Variants in IMMP2L observed in about 807,000 individuals in gnomAD.
IMMP2L encodes mitochondrial inner membrane protease subunit 2.
IMMP2L carries 18 observed loss-of-function variants against 19.3 expected under a neutral mutation model. The observed-to-expected ratio is 0.93, with a 90% CI of 0.64 to 1.38. The LOEUF is 1.38. IMMP2L is among the 40% of genes most tolerant of loss of function. The pLI is 0.00. For missense variants in IMMP2L, 233 were observed against 218.2 expected (o/e 1.07, Z -0.43); for synonymous variants, 76 against 73.0 (o/e 1.04, Z -0.21).
intron 4 of IMMP2L, among the ~76,000 whole-genome samples, chr7:110,895,389 T>C (rs1319034012): frequency 3.9e-5 from 6 of 152,160 alleles, no homozygotes; most frequent in Admixed American, 1.3e-4. Context: ...TTTTGTTCCA[T>C]TGATGTTTAT....
chr7:110,801,974 TATGAC>T (rs1218231792), intron 5 of IMMP2L, among the ~76,000 whole-genome samples: 1 of 152,050 alleles, frequency 6.6e-6, no homozygotes, highest in Non-Finnish European at 1.5e-5. Context: ...TCTCATTCCA[TATGAC>T]AGTGAAGATC....
rs568778675 is a variant in IMMP2L, at chr7:111,453,541, A to G, written c.239+33697T>C. Among the ~76,000 whole-genome samples, 10 of 152,312 alleles carry G rather than the reference A, an allele frequency of 6.6e-5. No individual in the cohort carries two copies. In the East Asian group the frequency reaches 1.9e-3, roughly 29 times the overall value. ...TGTTTCATATCGGTATCATTGGAGC[A>G]TTGTTTGATATCGGTAACTTGCTTT... On this transcript the variant is annotated intron_variant, in intron 3 of 5. Coordinates refer to ENST00000405709, the MANE Select transcript of IMMP2L (RefSeq NM_032549.4).
chr7:110,665,589 T>G (rs181452632), intron 5 of IMMP2L, among the ~76,000 whole-genome samples: 10 of 152,336 alleles, frequency 6.6e-5, no homozygotes, highest in Admixed American at 3.9e-4. Flanking sequence ...CGGTTTACAT[T>G]TAATTTCTTT....
At chr7:111,010,840 T>G (rs1223709953) in intron 3 of IMMP2L, among the ~76,000 whole-genome samples, 1 of 151,948 alleles carries the variant, frequency 6.6e-6, no homozygotes, top group Non-Finnish European at 1.5e-5. Flanking sequence ...AGAAAGGACA[T>G]TCATGGTCTC....
intron 3 of IMMP2L, among the ~76,000 whole-genome samples, chr7:111,127,035 T>C (rs1801382769): frequency 2.0e-5 from 3 of 152,200 alleles, no homozygotes; most frequent in African/African-American, 4.8e-5. Context: ...GGAAGGCAAT[T>C]GTTAAGAATT....
intron 3 of IMMP2L, among the ~76,000 whole-genome samples, chr7:111,071,129 T>A (rs1794913829): frequency 6.6e-6 from 1 of 152,142 alleles, no homozygotes; most frequent in South Asian, 2.1e-4. Context: ...ATTTTCAACA[T>A]AATTAGTCAT....
intron 3 of IMMP2L, among the ~76,000 whole-genome samples, chr7:111,249,754 G>C (rs984024426): frequency 3.9e-5 from 6 of 152,102 alleles, no homozygotes; most frequent in African/African-American, 1.4e-4. Flanking sequence ...TATTGAAAGA[G>C]CATACCTCAA....
At chr7:110,759,092 C>T (rs2130957357) in intron 5 of IMMP2L, among the ~76,000 whole-genome samples, 1 of 152,154 alleles carries the variant, frequency 6.6e-6, no homozygotes, top group African/African-American at 2.4e-5. Flanking sequence ...ATTCTACTTG[C>T]CATTATTTCC....
At chr7:110,672,504 A>AG (rs1453205868) in intron 5 of IMMP2L, among the ~76,000 whole-genome samples, 1 of 152,140 alleles carries the variant, frequency 6.6e-6, no homozygotes, top group Non-Finnish European at 1.5e-5. Context: ...CCAAAGTCTT[A>AG]ACTCATTCCA....
At chr7:110,756,913 CT>C (rs1448569101) in intron 5 of IMMP2L, among the ~76,000 whole-genome samples, 1 of 151,908 alleles carries the variant, frequency 6.6e-6, no homozygotes, top group Non-Finnish European at 1.5e-5. Context: ...TTCCTGTAGC[CT>C]TTCTTCTTCC....
chr7:111,358,989 G>A (rs1828996935), intron 3 of IMMP2L, among the ~76,000 whole-genome samples: 1 of 152,102 alleles, frequency 6.6e-6, no homozygotes, highest in Admixed American at 6.6e-5. Flanking sequence ...TGCACGCTAA[G>A]TTAGATAGCT....
At chr7:110,796,309 A>G (rs1421314220) in intron 5 of IMMP2L, among the ~76,000 whole-genome samples, 2 of 152,000 alleles carry the variant, frequency 1.3e-5, no homozygotes, top group Non-Finnish European at 2.9e-5. Context: ...CTGGATGCCA[A>G]GCTTCAGAGA....
intron 4 of IMMP2L, among the ~76,000 whole-genome samples, chr7:110,933,509 A>T (rs1486025991): frequency 8.0e-6 from 1 of 124,472 alleles, no homozygotes; most frequent in South Asian, 2.7e-4. Context: ...ATATTAAACA[A>T]GAGAAATTAT....
At chr7:111,058,895 T>C (rs1167648504) in intron 3 of IMMP2L, among the ~76,000 whole-genome samples, 1 of 152,214 alleles carries the variant, frequency 6.6e-6, no homozygotes, top group Non-Finnish European at 1.5e-5. Context: ...AAAAAATTCA[T>C]TCCATTATCT....
intron 5 of IMMP2L, among the ~76,000 whole-genome samples, chr7:110,770,251 C>A (rs573859655): frequency 6.6e-6 from 1 of 152,138 alleles, no homozygotes; most frequent in East Asian, 1.9e-4. Context: ...AATTCCCTTA[C>A]GACGAATGTG....
chr7:111,064,885 T>C (rs2129574796), intron 3 of IMMP2L, among the ~76,000 whole-genome samples: 1 of 152,312 alleles, frequency 6.6e-6, no homozygotes, highest in South Asian at 2.1e-4. Flanking sequence ...AGGGCATCAC[T>C]TAGTATTACC....
chr7:111,405,772 C>G (rs551866425), intron 3 of IMMP2L, among the ~76,000 whole-genome samples: 1 of 152,214 alleles, frequency 6.6e-6, no homozygotes, highest in South Asian at 2.1e-4. Context: ...TATTCACTGT[C>G]TAGGTCACAG....
intron 5 of IMMP2L, among the ~76,000 whole-genome samples, chr7:110,868,257 G>A (rs1276029042): frequency 1.3e-5 from 2 of 151,684 alleles, no homozygotes; most frequent in Non-Finnish European, 2.9e-5. Flanking sequence ...TTTTGACTAA[G>A]GATTTCTTCG....
chr7:110,858,661 G>A (rs1045093066), intron 5 of IMMP2L, among the ~76,000 whole-genome samples: 1 of 151,888 alleles, frequency 6.6e-6, no homozygotes, highest in African/African-American at 2.4e-5. Flanking sequence ...GTGCAGGTTA[G>A]TTACATATGT....
Sources: gnomAD v4.1 joint callset for allele counts (sites outside exome capture counted in the v4.1 genomes callset) on GRCh38, gnomAD v4.1.1 for gene constraint, MANE v1.5 for transcripts, NCBI Gene and HGNC (gene_info 2026-07-23, HGNC 2026-07-21) for gene names.